The following POLA1 variants were observed in gnomAD, a reference collection of about 807,000 sequenced individuals.
POLA1 encodes the protein DNA polymerase alpha 1, catalytic subunit, also known as DNA polymerase alpha catalytic subunit.
POLA1 carries 15 observed loss-of-function variants against 124.0 expected under a neutral mutation model. The observed-to-expected ratio is 0.12, with a 90% confidence interval of 0.08 to 0.19. POLA1 has a LOEUF of 0.19. Among genes scored for constraint, POLA1 ranks in the 10% least tolerant of loss-of-function variants. The probability of loss-of-function intolerance (pLI) is 1.00; values close to 1 mark genes in which losing one functional copy is unlikely to be tolerated. For missense variants in POLA1, 886 were observed against 1,103.4 expected (o/e 0.80, Z 2.79); for synonymous variants, 408 against 389.4 (o/e 1.05, Z -0.56).
intron 26 of POLA1, among the ~76,000 whole-genome samples, chrX:24,772,869 G>T (rs2045066849): frequency 1.8e-5 from 2 of 111,822 alleles, no homozygotes; most frequent in African/African-American, 6.5e-5. Flanking sequence ...ATATTATAAA[G>T]ACATGCATGT....
At chrX:24,758,532 A>G (rs2148420065) in intron 26 of POLA1, among the ~76,000 whole-genome samples, 1 of 112,307 alleles carries the variant, frequency 8.9e-6, no homozygotes, top group East Asian at 2.8e-4. Flanking sequence ...GACACAAGCC[A>G]GTTGATGTAA....
At chrX:24,811,627 G>A (rs933767993) in intron 28 of POLA1, among the ~76,000 whole-genome samples, 2 of 98,078 alleles carry the variant, frequency 2.0e-5, no homozygotes, top group African/African-American at 6.9e-5. Context: ...TTTGTTTCGA[G>A]GGTGAAATTC....
intron 15 of POLA1, among the ~76,000 whole-genome samples, chrX:24,730,850 CATT>C (rs1219577627): frequency 8.9e-6 from 1 of 112,232 alleles, no homozygotes; most frequent in Non-Finnish European, 1.9e-5. Context: ...GGAACCAACT[CATT>C]ATTTTGAAAA....
chrX:24,802,308 A>G (rs2045727882), intron 26 of POLA1, among the ~76,000 whole-genome samples: 1 of 111,596 alleles, frequency 9.0e-6, no homozygotes, highest in African/African-American at 3.3e-5. Context: ...CACACAGCCT[A>G]ACTTCTCAAC....
chrX:24,843,510 C>T (rs2046435686), intron 33 of POLA1, 36 bp from the exon 34 acceptor site: 2 of 1,102,148 alleles, frequency 1.8e-6, no homozygotes, highest in Non-Finnish European at 2.4e-6. Flanking sequence ...TATAGCCTCA[C>T]AGTAATTTTT....
chrX:24,849,882 G>A lies in POLA1; in HGVS notation c.4047+6205G>A, dbSNP rs892726853. 4.5e-5 allele frequency among the ~76,000 whole-genome samples: 5 copies of A among 110,895 alleles called. No individual in the cohort carries two copies. In the Admixed American group the frequency reaches 4.8e-4, roughly 11 times the overall value. On this transcript the variant is annotated intron_variant, in intron 34 of 36. Coordinates refer to ENST00000379068, the MANE Select transcript of POLA1 (RefSeq NM_001330360.2). ...CCTGACCTCGTGATTCGCCTGCCTC[G>A]GCCTCCCAAAGTGCTGGGATTACAG... is the stretch of plus-strand genomic sequence containing the variant.
chrX:24,912,170 C>G (rs2047458070), intron 35 of POLA1, among the ~76,000 whole-genome samples: 1 of 112,171 alleles, frequency 8.9e-6, no homozygotes, highest in Non-Finnish European at 1.9e-5. Context: ...TATCCATATG[C>G]AGAGAAAAAT....
chrX:24,825,505 G>C (rs953889264), intron 31 of POLA1, among the ~76,000 whole-genome samples: 1 of 112,264 alleles, frequency 8.9e-6, no homozygotes, highest in Admixed American at 9.4e-5. Context: ...TGAGCACTGT[G>C]AATAGTTATA....
At chrX:24,797,775 C>T (rs1464068265) in intron 26 of POLA1, among the ~76,000 whole-genome samples, 1 of 110,748 alleles carries the variant, frequency 9.0e-6, no homozygotes, top group Non-Finnish European at 1.9e-5. Flanking sequence ...AGGCTGGGTG[C>T]AGTGACTTAC....
rs1930310159 is a variant in POLA1, at chrX:24,723,196, G to A, written c.1129G>A (p.Glu377Lys). Residue 377 changes from glutamate (E) to lysine (K), a missense_variant, in exon 11 of 37, where the codon GAG (glutamate) becomes AAG (lysine). Transcript: ENST00000379068. ...LFGKVWIESAETHVSCCVMVK... is the reference protein window; with the variant it reads ...LFGKVWIESAKTHVSCCVMVK... The stretch of plus-strand genomic sequence containing the variant: ...TGGGAAAGTTTGGATTGAATCAGCC[G>A]AGACCCATGTGAGCTGTTGTGTCAT... 2.5e-6 allele frequency: 3 copies of A among 1,208,312 alleles called. No individual in the cohort carries two copies. The highest frequency in any genetic ancestry group is 2.2e-6 in the Non-Finnish European group (2 of 892,262).
At chrX:24,843,515 AT>A in intron 33 of POLA1, 30 bp from the exon 34 acceptor site, 1 of 1,122,234 alleles carries the variant, frequency 8.9e-7, no homozygotes, top group Non-Finnish European at 1.2e-6. Flanking sequence ...CCTCACAGTA[AT>A]TTTTTGTATA....
chrX:24,901,935 C>A (rs780257550), intron 35 of POLA1, among the ~76,000 whole-genome samples: 2 of 111,737 alleles, frequency 1.8e-5, no homozygotes, highest in African/African-American at 6.5e-5. Flanking sequence ...GTTTGACTTT[C>A]AGCTCACAGT....
chrX:24,732,247 G>C, intron 15 of POLA1, 123 bp from the exon 16 acceptor site: 1 of 487,594 alleles, frequency 2.1e-6, no homozygotes. Flanking sequence ...GAGCCACCAC[G>C]CCTGGCCAAA....
At chrX:24,822,570 A>G (rs1466250676) in intron 31 of POLA1, among the ~76,000 whole-genome samples, 1 of 112,394 alleles carries the variant, frequency 8.9e-6, no homozygotes, top group Non-Finnish European at 1.9e-5. Flanking sequence ...GATGTACATA[A>G]CAAATGATTT....
At chrX:24,974,002 C>T (rs2048335795) in intron 36 of POLA1, among the ~76,000 whole-genome samples, 1 of 110,273 alleles carries the variant, frequency 9.1e-6, no homozygotes, top group African/African-American at 3.3e-5. Context: ...CATTAAATCA[C>T]CTACCCAGGA....
At chrX:24,951,350 C>G (rs978556687) in intron 36 of POLA1, among the ~76,000 whole-genome samples, 1 of 74,677 alleles carries the variant, frequency 1.3e-5, no homozygotes, top group Non-Finnish European at 2.5e-5. Flanking sequence ...CCTACCCCCC[C>G]CCCCCCCCAC....
chrX:24,741,933 C>G (rs1931686997), intron 21 of POLA1, 69 bp from the exon 22 acceptor site: 2 of 946,422 alleles, frequency 2.1e-6, no homozygotes, highest in Non-Finnish European at 2.9e-6. Flanking sequence ...ACTAAACTTA[C>G]TGACTCAAAG....
chrX:24,855,158 G>T (rs935947772), intron 34 of POLA1, among the ~76,000 whole-genome samples: 2 of 111,612 alleles, frequency 1.8e-5, no homozygotes, highest in African/African-American at 6.5e-5. Context: ...TGTTAATAGT[G>T]ATCATCTTGA....
At chrX:24,720,052 G>A (rs1051838300) in intron 10 of POLA1, among the ~76,000 whole-genome samples, 1 of 110,587 alleles carries the variant, frequency 9.0e-6, no homozygotes, top group Admixed American at 9.6e-5. Flanking sequence ...AAACTGCTTA[G>A]CAAGGCTTCT....
Sources: allele counts gnomAD v4.1 joint callset (sites outside exome capture counted in the v4.1 genomes callset), GRCh38; gene constraint gnomAD v4.1.1; transcripts MANE v1.5; gene names NCBI Gene and HGNC (gene_info 2026-07-23, HGNC 2026-07-21).